Variants in NOC2L observed in about 807,000 individuals in gnomAD.
NOC2L encodes NOC2 like nucleolar associated transcriptional repressor, also known as nucleolar complex protein 2 homolog.
Under a neutral mutation model 94.2 loss-of-function variants are expected in NOC2L, and 101 were observed. The observed-to-expected ratio is 1.07, with a 90% CI of 0.91 to 1.26. The LOEUF (loss-of-function observed/expected upper bound fraction) is 1.26, where lower values mean the gene tolerates loss of function less well. NOC2L is among the 50% of genes most tolerant of loss of function. NOC2L has a pLI of 0.00. For synonymous variants in NOC2L, 531 were observed against 413.4 expected, an observed-to-expected ratio of 1.28 and a Z score of -3.45; for missense variants, 1,076 against 980.1, an observed-to-expected ratio of 1.10 and a Z score of -1.31.
At chr1:956,055 G>C (rs1458314896) in intron 5 of NOC2L, 40 bp downstream of exon 5, 3 of 1,614,062 alleles carry the variant, frequency 1.9e-6, no homozygotes, top group Non-Finnish European at 8.5e-7. Context: ...GACAGAGAAC[G>C]CAACAGACAG....
At chr1:957,424 T>C (rs1321721962) in intron 2 of NOC2L, 151 bp from the exon 3 acceptor site, 3 of 687,468 alleles carry the variant, frequency 4.4e-6, no homozygotes, top group Non-Finnish European at 7.3e-6. Flanking sequence ...TCACGTCTCC[T>C]ACCCAACAAC....
intron 2 of NOC2L, 73 bp from the exon 3 acceptor site, chr1:957,346 G>C: frequency 1.4e-6 from 2 of 1,449,220 alleles, no homozygotes; most frequent in Non-Finnish European, 1.9e-6. Flanking sequence ...TACAGGGTCA[G>C]TCTACTCCCT....
At chr1:952,192 T>C (rs1241339352) in intron 10 of NOC2L, 53 bp from the exon 11 acceptor site, 1 of 1,598,284 alleles carries the variant, frequency 6.3e-7, no homozygotes, top group African/African-American at 1.3e-5. Context: ...GTCAGGCTGA[T>C]GCACGTTCCT....
In NOC2L at chr1:945,603, C is replaced by T; in HGVS notation, c.1968G>A (p.Arg656=). 6.2e-7 allele frequency: 1 copy of T among 1,614,208 alleles called. No individual in the cohort carries two copies. Among genetic ancestry groups the T allele is most frequent in the Non-Finnish European group, 8.5e-7 (1 of 1,180,012 alleles). ...PEIKRRKMAD[R]KDEDRKQFKD... ...TAAATTGCTTCCTGTCCTCATCCTT[C>T]CTGTCAGCCATCTTCCTTCGTTTGA... Residue 656 remains arginine (R), a synonymous_variant, in exon 17 of 19, where the codon AGG becomes AGA. Coordinates refer to ENST00000327044, the MANE Select transcript of NOC2L (RefSeq NM_015658.4).
At chr1:953,008 AC>A (rs1642300376) in intron 9 of NOC2L, among the ~76,000 whole-genome samples, 166 bp downstream of exon 9, 1 of 151,808 alleles carries the variant, frequency 6.6e-6, no homozygotes, top group Admixed American at 6.6e-5. Context: ...CCTGCCCACC[AC>A]CCCCAGGTGC....
At chr1:950,178 A>G (rs112786306) in intron 12 of NOC2L, among the ~76,000 whole-genome samples, 42 of 151,122 alleles carry the variant, frequency 2.8e-4, no homozygotes, top group Non-Finnish European at 4.6e-4. Flanking sequence ...GCAGACGTGC[A>G]TGCATGCACC....
intron 8 of NOC2L, among the ~76,000 whole-genome samples, 155 bp downstream of exon 8, chr1:953,627 G>T (rs914783383): frequency 6.6e-6 from 1 of 152,256 alleles, no homozygotes; most frequent in Non-Finnish European, 1.5e-5. Context: ...CCCAGGTGGG[G>T]GTGGGGGCCA....
chr1:949,679 G>C (rs1642201180), intron 12 of NOC2L, among the ~76,000 whole-genome samples: 2 of 152,216 alleles, frequency 1.3e-5, no homozygotes, highest in African/African-American at 4.8e-5. Flanking sequence ...AAGGGAAACA[G>C]ACACAAAGCA....
intron 12 of NOC2L, among the ~76,000 whole-genome samples, chr1:949,023 G>A (rs1278730555): frequency 1.6e-5 from 2 of 121,586 alleles, no homozygotes; most frequent in East Asian, 2.6e-4. Flanking sequence ...GCTCCGTCCC[G>A]AGCAACCAGA....
Position 944,554 on chromosome 1 carries a change from AAAAAT to A in NOC2L, c.*135_*139del. The A allele has an allele frequency of 3.2e-6, 2 of 633,426 alleles. No homozygotes were observed. The highest frequency in any genetic ancestry group is 4.3e-4 in the Middle Eastern group (1 of 2,332). The allele number at this position is 633,426 out of a possible 1,614,324, so 39.2% of individuals were successfully genotyped here. On this transcript the variant is annotated 3_prime_UTR_variant, in exon 19 of 19. Transcript: ENST00000327044. The stretch of plus-strand genomic sequence containing the variant: ...TCGATACGTTTGGTCTTTCATGCTG[AAAAAT>A]AAATAATAAAGCCTGTCCCGTGTCT...
chr1:950,977 C>T lies in NOC2L; in HGVS notation c.1443+150G>A, dbSNP rs1287508597. Reference sequence around the variant, plus strand: ...GTTCCCCAACACTGCCCCCAGCACACGGAGGAGCACTGTCCTCGTGACACC... The same window carrying T: ...GTTCCCCAACACTGCCCCCAGCACATGGAGGAGCACTGTCCTCGTGACACC... On this transcript the variant is annotated intron_variant, in intron 12 of 18. Transcript: ENST00000327044. The T allele has an allele frequency of 2.7e-5, 18 of 668,658 alleles. 1 individual carries two copies. Among genetic ancestry groups the T allele is most frequent in the South Asian group, 5.2e-5 (3 of 58,224 alleles). 41.4% of individuals were successfully genotyped at this position (668,658 alleles called of 1,614,324 possible).
chr1:948,608 C>T lies in NOC2L; in HGVS notation c.1444-5G>A, dbSNP rs762179047. 9 of 1,313,828 alleles carry T rather than the reference C, an allele frequency of 6.9e-6. No individual in the cohort carries two copies. In the East Asian group the frequency reaches 3.5e-4, roughly 52 times the overall value. The allele number at this position is 1,313,828 out of a possible 1,614,324, so 81.4% of individuals were successfully genotyped here. ...GAAGTCGACCTGCTGGAACATCTGC[C>T]CCAAGGGCCGTGTCAGGCTCTCTCG... On this transcript the variant is annotated splice_region_variant and splice_polypyrimidine_tract_variant and intron_variant, in intron 12 of 18. Transcript: ENST00000327044.
At chr1:953,717 G>A in intron 8 of NOC2L, 65 bp downstream of exon 8, 6 of 1,210,324 alleles carry the variant, frequency 5.0e-6, no homozygotes, top group Non-Finnish European at 7.3e-6. Flanking sequence ...AGTGGGATGT[G>A]GTGGGGGTAG....
rs1431697891 is a variant in NOC2L at position 958,931 on chromosome 1, G to A, written c.177C>T (p.Ala59=). 2.5e-6 allele frequency: 4 copies of A among 1,612,750 alleles called. No individual in the cohort carries two copies. The highest frequency in any genetic ancestry group is 3.4e-6 in the Non-Finnish European group (4 of 1,179,934). ...SPDKPGGSPS[A]SRRKGRASEH... is the part of the protein sequence containing the mutation. The stretch of plus-strand genomic sequence containing the variant: ...TGCTCACGCATGTCCCCACTAACCT[G>A]GCCGAGGGGCTCCCGCCCGGCTTAT... The change falls in exon 2 of 19, where the codon GCC becomes GCT. Residue 59 remains alanine, a splice_region_variant and synonymous_variant. Transcript: ENST00000327044.
rs747001647 is a variant in NOC2L, at chr1:959,031, G to A, written c.77C>T (p.Ser26Phe). The A allele has an allele frequency of 1.2e-6, 2 of 1,612,262 alleles. No homozygotes were observed. Among genetic ancestry groups the A allele is most frequent in the African/African-American group, 1.3e-5 (1 of 75,046 alleles). ...VDEFLASGFD[S>F]ESESESENSP... ...ATTTTCGGACTCGGATTCGGACTCG[G>A]AGTCAAAGCCCGAAGCTAGGAACTC... Residue 26 changes from serine (S) to phenylalanine (F), a missense_variant, in exon 2 of 19, where the codon TCC (serine) becomes TTC (phenylalanine). Coordinates refer to ENST00000327044, the MANE Select transcript of NOC2L (RefSeq NM_015658.4).
At chr1:946,700 T>G (rs1164409572) in intron 14 of NOC2L, 155 bp from the exon 15 acceptor site, 1 of 876,642 alleles carries the variant, frequency 1.1e-6, no homozygotes, top group East Asian at 2.7e-5. Context: ...CTGTTGCAGC[T>G]GGGATGGCAG....
chr1:958,572 C>T, intron 2 of NOC2L: 1 of 466,940 alleles, frequency 2.1e-6, no homozygotes, highest in East Asian at 5.6e-5. Context: ...AACAGAGCAA[C>T]TCGGCTCCCC....
intron 9 of NOC2L, 101 bp downstream of exon 9, chr1:953,074 G>C (rs569384102): frequency 1.8e-5 from 14 of 757,398 alleles, no homozygotes; most frequent in Non-Finnish European, 3.0e-5. Flanking sequence ...TGCAGTGAGG[G>C]TCCAGTGAGG....
intron 12 of NOC2L, among the ~76,000 whole-genome samples, chr1:949,431 G>A (rs972109027): frequency 6.6e-6 from 1 of 152,204 alleles, no homozygotes; most frequent in Admixed American, 6.5e-5. Flanking sequence ...CTCTAGCCTG[G>A]GCCAAAAGTA....
Sources: gnomAD v4.1 joint callset for allele counts (sites outside exome capture counted in the v4.1 genomes callset) on GRCh38, gnomAD v4.1.1 for gene constraint, MANE v1.5 for transcripts, NCBI Gene and HGNC (gene_info 2026-07-23, HGNC 2026-07-21) for gene names.